RPS6KA3: variants seen among roughly 807,000 people sequenced by gnomAD.
RPS6KA3 encodes the protein ribosomal protein S6 kinase alpha-3.
RPS6KA3 carries 4 observed loss-of-function variants against 67.2 expected under a neutral mutation model. The ratio of observed to expected loss-of-function variants is 0.06; its 90% CI spans 0.03 to 0.14. The LOEUF (loss-of-function observed/expected upper bound fraction) is 0.14. RPS6KA3 is among the 10% of genes least tolerant of loss of function. The probability of loss-of-function intolerance (pLI) is 1.00; values close to 1 mark genes in which losing one functional copy is unlikely to be tolerated. For synonymous variants in RPS6KA3, 182 were observed against 183.7 expected (o/e 0.99, Z 0.07); for missense variants, 204 against 559.0 (o/e 0.36, Z 6.40).
intron 1 of RPS6KA3, among the ~76,000 whole-genome samples, chrX:20,239,819 A>T (rs900019414): frequency 1.8e-5 from 2 of 111,394 alleles, no homozygotes; most frequent in Non-Finnish European, 3.8e-5. Context: ...TTCTGAATCA[A>T]GGTTTCAGGA....
At position 20,239,282 on chromosome X, in the gene RPS6KA3, T is replaced by C. The variant is rs113796138; in HGVS notation, c.70-4468A>G. 6.8e-3 allele frequency among the ~76,000 whole-genome samples: 753 copies of C among 111,336 alleles called. 9 individuals carry two copies. The highest frequency in any genetic ancestry group is 0.023 in the African/African-American group (713 of 30,786). On this transcript the variant is annotated intron_variant, in intron 1 of 21. Coordinates refer to ENST00000379565, the MANE Select transcript of RPS6KA3 (RefSeq NM_004586.3). ...CTTCTTCTCCTCTCTTTTGCCTCAATTGACTGTGTAACATTACATTTCTAT... is the reference window on the plus strand; with the variant it reads ...CTTCTTCTCCTCTCTTTTGCCTCAACTGACTGTGTAACATTACATTTCTAT...
At chrX:20,216,594 G>A (rs2068857692) in intron 2 of RPS6KA3, among the ~76,000 whole-genome samples, 1 of 110,346 alleles carries the variant, frequency 9.1e-6, no homozygotes, top group Non-Finnish European at 1.9e-5. Context: ...GGGGGGGGTT[G>A]TAATTTTCAA....
intron 1 of RPS6KA3, among the ~76,000 whole-genome samples, chrX:20,243,252 G>A (rs1279957410): frequency 1.8e-5 from 2 of 111,360 alleles, no homozygotes; most frequent in Non-Finnish European, 3.8e-5. Context: ...TATCTTTGAT[G>A]CTTCTTAACC....
intron 2 of RPS6KA3, among the ~76,000 whole-genome samples, chrX:20,233,269 T>C (rs771035713): frequency 2.7e-5 from 3 of 112,296 alleles, no homozygotes; most frequent in Non-Finnish European, 3.8e-5. Context: ...TACTGAAATT[T>C]TGACAGGAAA....
chrX:20,245,650 A>G (rs1206488810), intron 1 of RPS6KA3, among the ~76,000 whole-genome samples: 1 of 111,832 alleles, frequency 8.9e-6, no homozygotes, highest in Non-Finnish European at 1.9e-5. Context: ...CTCTTAGTAC[A>G]CAATGGCATT....
chrX:20,242,492 T>C (rs1481093705), intron 1 of RPS6KA3, among the ~76,000 whole-genome samples: 2 of 111,818 alleles, frequency 1.8e-5, no homozygotes, highest in Non-Finnish European at 3.8e-5. Flanking sequence ...AATTACTGAA[T>C]GGCAGAAGCA....
chrX:20,254,242 T>C (rs1434493950), intron 1 of RPS6KA3, among the ~76,000 whole-genome samples: 1 of 112,461 alleles, frequency 8.9e-6, no homozygotes, highest in Non-Finnish European at 1.9e-5. Context: ...GCATATTATC[T>C]TCCTATTAAG....
chrX:20,176,393 T>C (rs2067701434), intron 12 of RPS6KA3, 41 bp from the exon 13 acceptor site: 10 of 1,111,890 alleles, frequency 9.0e-6, no homozygotes, highest in Non-Finnish European at 1.2e-5. Flanking sequence ...ATATTTTAAT[T>C]ATAAAGAAAT....
chrX:20,228,901 G>A (rs933081576), intron 2 of RPS6KA3, among the ~76,000 whole-genome samples: 2 of 111,760 alleles, frequency 1.8e-5, no homozygotes, highest in Admixed American at 9.5e-5. Flanking sequence ...TAATTTCCCA[G>A]AGAAGAAGAG....
chrX:20,265,873 T>C (rs1021221543), intron 1 of RPS6KA3: 1 of 110,378 alleles, frequency 9.1e-6, no homozygotes, highest in African/African-American at 3.3e-5. Flanking sequence ...CTGATCTCCT[T>C]GAATATCACC....
chrX:20,232,416 T>C (rs1245445599), intron 2 of RPS6KA3, among the ~76,000 whole-genome samples: 1 of 110,845 alleles, frequency 9.0e-6, no homozygotes, highest in African/African-American at 3.3e-5. Context: ...CTACCACAAA[T>C]ACAAAAATTA....
At chrX:20,255,005 A>G (rs1188839922) in intron 1 of RPS6KA3, among the ~76,000 whole-genome samples, 1 of 112,470 alleles carries the variant, frequency 8.9e-6, no homozygotes, top group Non-Finnish European at 1.9e-5. Flanking sequence ...GAAAACTGGA[A>G]ACATGTGTTC....
intron 2 of RPS6KA3, among the ~76,000 whole-genome samples, chrX:20,223,727 C>T (rs1230134427): frequency 8.9e-6 from 1 of 111,766 alleles, no homozygotes; most frequent in Non-Finnish European, 1.9e-5. Context: ...TATTTTGAAG[C>T]AAATCTCAGA....
chrX:20,201,363 T>C (rs1215044851), intron 4 of RPS6KA3, among the ~76,000 whole-genome samples: 1 of 111,125 alleles, frequency 9.0e-6, no homozygotes, highest in African/African-American at 3.3e-5. Flanking sequence ...AGTCTTGAAC[T>C]CCTGTCCTTA....
chrX:20,259,524 A>G (rs1811296463), intron 1 of RPS6KA3, among the ~76,000 whole-genome samples: 1 of 112,007 alleles, frequency 8.9e-6, no homozygotes, highest in Non-Finnish European at 1.9e-5. Flanking sequence ...TCAAAATGAA[A>G]CAAAACTCTT....
intron 1 of RPS6KA3, among the ~76,000 whole-genome samples, chrX:20,256,508 C>G (rs1190329387): frequency 9.0e-6 from 1 of 111,572 alleles, no homozygotes; most frequent in South Asian, 3.7e-4. Context: ...TCTAGGCAGG[C>G]CCCCCTTTTT....
chrX:20,160,048 A>T (rs779076942), intron 20 of RPS6KA3, among the ~76,000 whole-genome samples: 1 of 111,934 alleles, frequency 8.9e-6, no homozygotes, highest in South Asian at 3.8e-4. Context: ...GCATGTGCTG[A>T]TCCCTCAGTT....
chrX:20,174,515 A>AT (rs1431612278), intron 14 of RPS6KA3, among the ~76,000 whole-genome samples: 1 of 107,908 alleles, frequency 9.3e-6, no homozygotes, highest in Admixed American at 1.0e-4. Flanking sequence ...CGCCCAGCTA[A>AT]TTTTTGTATT....
At chrX:20,201,809 C>G (rs2068439932) in intron 4 of RPS6KA3, among the ~76,000 whole-genome samples, 1 of 110,241 alleles carries the variant, frequency 9.1e-6, no homozygotes, top group Non-Finnish European at 1.9e-5. Context: ...CCTATTTATA[C>G]TATTTTTCAT....
Sources: gnomAD v4.1 joint callset for allele counts (sites outside exome capture counted in the v4.1 genomes callset) on GRCh38, gnomAD v4.1.1 for gene constraint, MANE v1.5 for transcripts, NCBI Gene and HGNC (gene_info 2026-07-23, HGNC 2026-07-21) for gene names.